CALN1: variants seen among roughly 807,000 people sequenced by gnomAD.
CALN1 encodes the protein calcium-binding protein 8.
In CALN1, 17 loss-of-function variants were observed where a neutral mutation model predicts 30.6. That is an observed-to-expected ratio of 0.56 (90% CI 0.38 to 0.83). CALN1 has a LOEUF of 0.83. Among genes scored for constraint, CALN1 ranks in the 40% least tolerant of loss-of-function variants. The pLI is 0.00. For missense variants in CALN1, 291 were observed against 354.9 expected (o/e 0.82, Z 1.45); for synonymous variants, 156 against 131.4 (o/e 1.19, Z -1.28).
chr7:72,064,615 A>T (rs1455931603), intron 4 of CALN1, among the ~76,000 whole-genome samples: 1 of 152,318 alleles, frequency 6.6e-6, no homozygotes, highest in African/African-American at 2.4e-5. Context: ...ATAGACAGGG[A>T]TGGTTGTTAA....
intron 5 of CALN1, among the ~76,000 whole-genome samples, chr7:71,964,347 G>C (rs900687262): frequency 6.6e-6 from 1 of 152,156 alleles, no homozygotes; most frequent in African/African-American, 2.4e-5. Flanking sequence ...CTGAAGCCTT[G>C]GTGGGCGTCT....
At chr7:72,148,928 G>GA (rs1422794352) in intron 3 of CALN1, among the ~76,000 whole-genome samples, 1 of 83,428 alleles carries the variant, frequency 1.2e-5, no homozygotes, top group South Asian at 4.5e-4. Context: ...AAGAAAGAAA[G>GA]AAAAAAAAGA....
chr7:72,198,738 C>A (rs1398679594), intron 3 of CALN1, among the ~76,000 whole-genome samples: 1 of 152,170 alleles, frequency 6.6e-6, no homozygotes, highest in African/African-American at 2.4e-5. Flanking sequence ...TCTCAGGCAC[C>A]AACTGTGTCA....
chr7:72,493,096 C>T, the CALN1 span, among the ~76,000 whole-genome samples: 4 of 152,226 alleles, frequency 2.6e-5, no homozygotes, highest in African/African-American at 4.8e-5. Context: ...TCATCACCCC[C>T]GAAAGAAACT....
At chr7:72,060,625 C>A (rs774812258) in intron 4 of CALN1, among the ~76,000 whole-genome samples, 5 of 152,170 alleles carry the variant, frequency 3.3e-5, no homozygotes, top group Non-Finnish European at 5.9e-5. Flanking sequence ...GGAATGTGAG[C>A]CCCAATGTTG....
intron 5 of CALN1, among the ~76,000 whole-genome samples, chr7:71,847,673 C>T (rs1369493547): frequency 8.1e-6 from 1 of 122,882 alleles, no homozygotes; most frequent in African/African-American, 3.3e-5. Context: ...CAGAGTGAGA[C>T]TCTGTCAAAA....
intron 4 of CALN1, among the ~76,000 whole-genome samples, chr7:72,057,610 T>C (rs1400979637): frequency 6.6e-6 from 1 of 152,032 alleles, no homozygotes; most frequent in Non-Finnish European, 1.5e-5. Context: ...TCTAAGCAAA[T>C]AAACAAAATA....
At chr7:71,982,519 G>T (rs768265497) in intron 5 of CALN1, among the ~76,000 whole-genome samples, 22 of 152,152 alleles carry the variant, frequency 1.4e-4, no homozygotes, top group Admixed American at 7.9e-4. Context: ...ACTTGAACCG[G>T]GGAGGCAGAG....
intron 2 of CALN1, among the ~76,000 whole-genome samples, chr7:72,400,528 A>T (rs1385836950): frequency 6.6e-6 from 1 of 152,142 alleles, no homozygotes; most frequent in East Asian, 1.9e-4. Context: ...CCAGAATCTG[A>T]TCAGTAAACT....
At chr7:71,868,485 C>T (rs1342554294) in intron 5 of CALN1, among the ~76,000 whole-genome samples, 1 of 151,790 alleles carries the variant, frequency 6.6e-6, no homozygotes, top group Non-Finnish European at 1.5e-5. Context: ...AATTCTCCTA[C>T]CTCTGCCTCC....
chr7:72,068,686 T>C (rs1804191074), intron 4 of CALN1, among the ~76,000 whole-genome samples: 1 of 152,204 alleles, frequency 6.6e-6, no homozygotes, highest in South Asian at 2.1e-4. Flanking sequence ...ACATGGGGTT[T>C]CACCAGGCTA....
intron 5 of CALN1, among the ~76,000 whole-genome samples, chr7:71,954,119 T>C (rs1354123688): frequency 6.6e-6 from 1 of 151,270 alleles, no homozygotes; most frequent in African/African-American, 2.4e-5. Context: ...AGGCTAGGAA[T>C]TTGAGGCCAA....
chr7:72,296,345 C>T (rs1384597049), intron 2 of CALN1, among the ~76,000 whole-genome samples: 3 of 136,976 alleles, frequency 2.2e-5, no homozygotes, highest in Non-Finnish European at 3.2e-5. Context: ...GTGTCTCTGC[C>T]CGGCTTTGGT....
At chr7:72,409,723 G>C (rs1806981920) in intron 1 of CALN1, among the ~76,000 whole-genome samples, 1 of 152,046 alleles carries the variant, frequency 6.6e-6, no homozygotes, top group African/African-American at 2.4e-5. Flanking sequence ...CATAAGCATG[G>C]GTTAAATGGT....
At chr7:71,926,053 T>A (rs184276301) in intron 5 of CALN1, among the ~76,000 whole-genome samples, 13 of 152,092 alleles carry the variant, frequency 8.5e-5, no homozygotes, top group Admixed American at 8.5e-4. Flanking sequence ...CTGTCACAAC[T>A]CAGATCGTGG....
intron 3 of CALN1, among the ~76,000 whole-genome samples, chr7:72,213,772 T>G (rs1792577577): frequency 1.3e-5 from 2 of 152,134 alleles, no homozygotes; most frequent in Non-Finnish European, 2.9e-5. Flanking sequence ...TCCAGTGCTG[T>G]GTGCTCCAAA....
chr7:72,222,509 C>T (rs1230607600), intron 3 of CALN1, among the ~76,000 whole-genome samples: 1 of 152,174 alleles, frequency 6.6e-6, no homozygotes, highest in Non-Finnish European at 1.5e-5. Flanking sequence ...GGTGCTAAAC[C>T]ATTCACAAGA....
intron 3 of CALN1, among the ~76,000 whole-genome samples, chr7:72,215,818 C>T (rs1443977741): frequency 2.0e-5 from 3 of 152,242 alleles, no homozygotes; most frequent in African/African-American, 4.8e-5. Flanking sequence ...GCCACAGCCA[C>T]GTCCTCCCCA....
chr7:72,485,039 A>G, the CALN1 span, among the ~76,000 whole-genome samples: 1 of 152,318 alleles, frequency 6.6e-6, no homozygotes, highest in Non-Finnish European at 1.5e-5. Flanking sequence ...CAGACAGACA[A>G]ATAATGCACA....
Sources: gnomAD v4.1 joint callset for allele counts (sites outside exome capture counted in the v4.1 genomes callset) on GRCh38, gnomAD v4.1.1 for gene constraint, MANE v1.5 for transcripts, NCBI Gene and HGNC (gene_info 2026-07-23, HGNC 2026-07-21) for gene names.